TMED8: variants seen among roughly 807,000 people sequenced by gnomAD.
TMED8 encodes the protein protein TMED8.
TMED8 carries 15 observed loss-of-function variants against 32.7 expected under a neutral mutation model. The ratio of observed to expected loss-of-function variants is 0.46; its 90% CI spans 0.31 to 0.71. The LOEUF is 0.71. TMED8 is among the 30% of genes least tolerant of loss of function. TMED8 has a pLI of 0.06. For missense variants in TMED8, 390 were observed against 423.9 expected, an observed-to-expected ratio of 0.92 and a Z score of 0.70; for synonymous variants, 147 against 161.4, an observed-to-expected ratio of 0.91 and a Z score of 0.68.
intron 1 of TMED8, among the ~76,000 whole-genome samples, chr14:77,354,959 A>C (rs951734237): frequency 6.6e-6 from 1 of 151,896 alleles, no homozygotes; most frequent in Non-Finnish European, 1.5e-5. Flanking sequence ...TGTCTCAAAA[A>C]AAAAAAAAAG....
At chr14:77,348,542 T>C (rs181537845) in intron 2 of TMED8, among the ~76,000 whole-genome samples, 1 of 152,226 alleles carries the variant, frequency 6.6e-6, no homozygotes, top group Admixed American at 6.5e-5. Flanking sequence ...TCTAATATAG[T>C]AAATATTGAT....
chr14:77,357,326 G>C (rs1469996029), intron 1 of TMED8, among the ~76,000 whole-genome samples: 1 of 152,190 alleles, frequency 6.6e-6, no homozygotes, highest in Non-Finnish European at 1.5e-5. Context: ...CCACCATCAA[G>C]CTCCTCATTA....
Position 77,343,230 on chromosome 14 carries a change from A to T in TMED8, c.708T>A (p.Ser236Arg), listed in dbSNP as rs754317628. 1 of 1,614,114 alleles carries T rather than the reference A, an allele frequency of 6.2e-7. No individual in the cohort carries two copies. Among genetic ancestry groups the T allele is most frequent in the South Asian group, 1.1e-5 (1 of 91,084 alleles). Reference protein sequence around the residue: ...VTSTDITVQVSDSSDDEDEEE... With the variant: ...VTSTDITVQVRDSSDDEDEEE... ...CTTCATCCTCATCGTCACTGGAATC[A>T]CTGACCTGCACAGTTATGTCAGTGC... The change falls in exon 5 of 6, where the codon AGT (serine) becomes AGA (arginine). Residue 236 changes from serine (S) to arginine (R), a missense_variant. By Grantham distance (110) the Ser-to-Arg change is moderately radical (BLOSUM62 -1). Coordinates refer to ENST00000216468, the MANE Select transcript of TMED8 (RefSeq NM_213601.3).
chr14:77,346,272 C>A lies in TMED8; in HGVS notation c.327+77G>T, dbSNP rs1893028996. The A allele has an allele frequency of 3.3e-6, 5 of 1,518,852 alleles. No individual in the cohort carries two copies. In the Admixed American group the frequency reaches 1.0e-4, roughly 31 times the overall value. 94.1% of individuals were successfully genotyped at this position (1,518,852 alleles called of 1,614,324 possible). The stretch of plus-strand genomic sequence containing the variant: ...CCGGGAGCCACCCTCGCAGTGCTTT[C>A]TAATTCCAACCCAACCACTATGTGT... On this transcript the variant is annotated intron_variant, in intron 3 of 5. Transcript: ENST00000216468.
chr14:77,341,478 G>A lies in TMED8; in HGVS notation c.*293C>T, dbSNP rs568821959. On this transcript the variant is annotated 3_prime_UTR_variant, in exon 6 of 6. Coordinates refer to ENST00000216468, the MANE Select transcript of TMED8 (RefSeq NM_213601.3). ...GATGAATCTATTTTTAAAAAACATC[G>A]CCCTGCTTCCTTTTAGGCTTGTGCC... The A allele has an allele frequency of 1.9e-4, 80 of 417,550 alleles. No homozygotes were observed. Among genetic ancestry groups the A allele is most frequent in the African/African-American group, 1.3e-3 (64 of 49,912 alleles). The allele number at this position is 417,550 out of a possible 1,614,324, so 25.9% of individuals were successfully genotyped here.
At chr14:77,350,982 G>A (rs186685555) in intron 2 of TMED8, among the ~76,000 whole-genome samples, 4 of 152,248 alleles carry the variant, frequency 2.6e-5, no homozygotes, top group East Asian at 1.9e-4. Context: ...AAAAGCCTCC[G>A]CTTTAAGCTT....
chr14:77,364,655 G>A (rs951646965), intron 1 of TMED8, among the ~76,000 whole-genome samples: 2 of 152,142 alleles, frequency 1.3e-5, no homozygotes, highest in South Asian at 4.1e-4. Context: ...AGCCTCCCAA[G>A]TAGCTGAGAA....
chr14:77,344,440 C>T (rs1288458615), intron 3 of TMED8, among the ~76,000 whole-genome samples: 1 of 152,188 alleles, frequency 6.6e-6, no homozygotes, highest in African/African-American at 2.4e-5. Flanking sequence ...CACCTTAGAC[C>T]AGCCCCAGGA....
intron 1 of TMED8, among the ~76,000 whole-genome samples, chr14:77,375,671 A>G (rs1368518730): frequency 6.6e-6 from 1 of 152,206 alleles, no homozygotes; most frequent in African/African-American, 2.4e-5. Context: ...TGTTTGAATA[A>G]GGCAGCATTA....
Position 77,339,370 on chromosome 14 carries a change from C to A in TMED8, c.*2401G>T, listed in dbSNP as rs1391468085. The stretch of plus-strand genomic sequence containing the variant: ...AGGTGAGGGGAACAAGTCCCTTAGG[C>A]TTCCCTGATGCAACAGAACTAGGAT... On this transcript the variant is annotated 3_prime_UTR_variant, in exon 6 of 6. Coordinates refer to ENST00000216468, the MANE Select transcript of TMED8 (RefSeq NM_213601.3). 6.6e-6 allele frequency: 1 copy of A among 152,218 alleles called. No individual in the cohort carries two copies. Among genetic ancestry groups the A allele is most frequent in the Non-Finnish European group, 1.5e-5 (1 of 68,040 alleles). 9.4% of individuals were successfully genotyped at this position (152,218 alleles called of 1,614,324 possible). A position where few individuals can be genotyped will look rare whatever the true frequency, so the allele number is the denominator to read the frequency against.
intron 2 of TMED8, among the ~76,000 whole-genome samples, chr14:77,347,501 C>G (rs569029651): frequency 2.0e-5 from 3 of 152,370 alleles, no homozygotes; most frequent in African/African-American, 7.2e-5. Flanking sequence ...ACCACAACCT[C>G]AAGCAATTCT....
At chr14:77,348,922 G>A (rs1893115089) in intron 2 of TMED8, among the ~76,000 whole-genome samples, 1 of 152,026 alleles carries the variant, frequency 6.6e-6, no homozygotes, top group African/African-American at 2.4e-5. Context: ...GCTGTAAACT[G>A]GCCTAGGCTG....
intron 5 of TMED8, among the ~76,000 whole-genome samples, chr14:77,342,665 A>G (rs1489358033): frequency 6.6e-6 from 1 of 152,218 alleles, no homozygotes; most frequent in African/African-American, 2.4e-5. Flanking sequence ...ACTACAAATA[A>G]CAGCCGGAAT....
intron 4 of TMED8, 88 bp from the exon 5 acceptor site, chr14:77,343,571 A>G: frequency 5.7e-6 from 9 of 1,578,590 alleles, no homozygotes; most frequent in Non-Finnish European, 7.8e-6. Context: ...GCACAGTCAG[A>G]CATTCTTTCT....
In TMED8 at chr14:77,366,846, A is replaced by G. The variant is rs151007758; in HGVS notation, c.118+10090T>C. On this transcript the variant is annotated intron_variant, in intron 1 of 5. Transcript: ENST00000216468. ...GAAATTGAAGCTCGGAGAAATCATG[A>G]TGCCCAAGATGACCAGCAAATACGA... 1.7e-3 allele frequency among the ~76,000 whole-genome samples: 256 copies of G among 152,294 alleles called. 9 individuals carry two copies. In the East Asian group the frequency reaches 0.042, roughly 25 times the overall value.
At chr14:77,367,001 T>A (rs1377287731) in intron 1 of TMED8, among the ~76,000 whole-genome samples, 2 of 152,022 alleles carry the variant, frequency 1.3e-5, no homozygotes, top group Non-Finnish European at 2.9e-5. Context: ...CTCCAGCACT[T>A]TGGGAGCCCG....
chr14:77,358,965 T>C (rs1893366633), intron 1 of TMED8, among the ~76,000 whole-genome samples: 1 of 152,166 alleles, frequency 6.6e-6, no homozygotes, highest in African/African-American at 2.4e-5. Context: ...TGGAGTACAG[T>C]GGTGCGATCA....
At chr14:77,356,315 T>A (rs1251054517) in intron 1 of TMED8, among the ~76,000 whole-genome samples, 2 of 152,224 alleles carry the variant, frequency 1.3e-5, no homozygotes, top group Non-Finnish European at 1.5e-5. Flanking sequence ...TATCCTATAT[T>A]CCCTGTTCCA....
chr14:77,344,240 T>C (rs1892977841), intron 3 of TMED8, among the ~76,000 whole-genome samples: 1 of 152,214 alleles, frequency 6.6e-6, no homozygotes, highest in South Asian at 2.1e-4. Context: ...TGACTCCCAC[T>C]CTGCCACACA....
Sources: allele counts gnomAD v4.1 joint callset (sites outside exome capture counted in the v4.1 genomes callset), GRCh38; gene constraint gnomAD v4.1.1; transcripts MANE v1.5; gene names NCBI Gene and HGNC (gene_info 2026-07-23, HGNC 2026-07-21).